The following ESR1 variants were observed in gnomAD, a reference collection of about 807,000 sequenced individuals.
ESR1 encodes the protein estrogen receptor.
In ESR1, 12 loss-of-function variants were observed where a neutral mutation model predicts 52.7. The observed-to-expected ratio is 0.23, with a 90% CI of 0.15 to 0.37. The LOEUF (loss-of-function observed/expected upper bound fraction) is 0.37. Among genes scored for constraint, ESR1 ranks in the 10% least tolerant of loss-of-function variants. The probability of loss-of-function intolerance (pLI) is 1.00; values close to 1 mark genes in which losing one functional copy is unlikely to be tolerated. For missense variants in ESR1, 584 were observed against 779.7 expected, an observed-to-expected ratio of 0.75 and a Z score of 2.99; for synonymous variants, 305 against 316.8, an observed-to-expected ratio of 0.96 and a Z score of 0.39.
rs1038056851 is a variant in ESR1 at position 152,061,675 on chromosome 6, G to T, written c.1369+551G>T. Among the ~76,000 whole-genome samples, 3 of 152,230 alleles carry T rather than the reference G, an allele frequency of 2.0e-5. No individual in the cohort carries two copies. Among genetic ancestry groups the T allele is most frequent in the Non-Finnish European group, 4.4e-5 (3 of 68,040 alleles). On this transcript the variant is annotated intron_variant, in intron 6 of 7. Transcript: ENST00000206249. This position sits in a 1 kb window ranked among gnomAD's most constrained non-coding sequence, Gnocchi z 4.3. ...ATTTTCCATTTGCTCTATGAAGTCT[G>T]ATTCTACTGCCCCTTCGTATTTATT...
At chr6:151,886,031 G>A (rs1213617054) in intron 3 of ESR1, among the ~76,000 whole-genome samples, 1 of 151,006 alleles carries the variant, frequency 6.6e-6, no homozygotes, top group Non-Finnish European at 1.5e-5. Context: ...CATCATATAC[G>A]AGCACTGCTG....
chr6:151,837,772 T>A (rs908793571), intron 1 of ESR1, among the ~76,000 whole-genome samples: 3 of 152,132 alleles, frequency 2.0e-5, no homozygotes, highest in Non-Finnish European at 2.9e-5. Flanking sequence ...GTGTCCAAGA[T>A]GAGAAACGGT....
chr6:151,932,229 C>T (rs1435060864), intron 3 of ESR1, among the ~76,000 whole-genome samples: 2 of 152,130 alleles, frequency 1.3e-5, no homozygotes, highest in African/African-American at 4.8e-5. Context: ...TTTCATGTGT[C>T]TGTTGGCTGC....
At chr6:151,920,886 C>T (rs1463311545) in intron 3 of ESR1, among the ~76,000 whole-genome samples, 2 of 152,040 alleles carry the variant, frequency 1.3e-5, no homozygotes, top group Non-Finnish European at 2.9e-5. Flanking sequence ...CCTGTCCATA[C>T]AGTACTTTTT....
chr6:152,034,290 A>AAAATAAAT (rs10588683), intron 5 of ESR1, among the ~76,000 whole-genome samples: 6 of 150,278 alleles, frequency 4.0e-5, no homozygotes, highest in East Asian at 2.0e-4. Context: ...AAGTACAATA[A>AAAATAAAT]AAATAAATAA....
intron 2 of ESR1, among the ~76,000 whole-genome samples, chr6:151,721,378 A>G (rs536779777): frequency 6.0e-4 from 91 of 152,316 alleles, no homozygotes; most frequent in African/African-American, 2.1e-3. Context: ...CTGTCAGGCT[A>G]CTAAGACAGA....
At chr6:151,939,601 A>G (rs917393838) in intron 3 of ESR1, among the ~76,000 whole-genome samples, 2 of 150,804 alleles carry the variant, frequency 1.3e-5, no homozygotes, top group Non-Finnish European at 1.5e-5. Flanking sequence ...TTTTTTTTTT[A>G]CCTTCTTCCA....
At chr6:151,889,504 G>A (rs1289701836) in intron 3 of ESR1, among the ~76,000 whole-genome samples, 3 of 152,034 alleles carry the variant, frequency 2.0e-5, no homozygotes, top group Non-Finnish European at 4.4e-5. Context: ...CAGTTGTAAT[G>A]TCTCCTCTTT....
intron 6 of ESR1, among the ~76,000 whole-genome samples, chr6:152,074,823 C>T (rs1334997280): frequency 6.6e-6 from 1 of 152,100 alleles, no homozygotes; most frequent in Non-Finnish European, 1.5e-5. Flanking sequence ...TTTTAATTCG[C>T]ATTTTTTGGA....
chr6:151,669,995 T>C (rs1440450869), intron 1 of ESR1, among the ~76,000 whole-genome samples: 2 of 152,144 alleles, frequency 1.3e-5, no homozygotes, highest in Non-Finnish European at 1.5e-5. Flanking sequence ...AACTTAGTAT[T>C]GGAGGGAGGA....
chr6:152,111,276 G>A (rs1488746317), intron 6 of ESR1, among the ~76,000 whole-genome samples: 1 of 152,208 alleles, frequency 6.6e-6, no homozygotes, highest in African/African-American at 2.4e-5. Context: ...AAGCCTTTGG[G>A]CAAACATTTA....
chr6:152,071,353 A>G (rs1397545704), intron 6 of ESR1, among the ~76,000 whole-genome samples: 2 of 152,250 alleles, frequency 1.3e-5, no homozygotes. Context: ...ACATTAGCCA[A>G]CCATGTTGAT....
intron 6 of ESR1, among the ~76,000 whole-genome samples, chr6:152,093,826 G>A (rs1710268081): frequency 1.3e-5 from 2 of 152,106 alleles, no homozygotes; most frequent in Non-Finnish European, 2.9e-5. Context: ...TTAGCCAATC[G>A]CTCATCACTC....
At chr6:152,023,948 G>A (rs1275373216) in intron 5 of ESR1, among the ~76,000 whole-genome samples, 1 of 152,146 alleles carries the variant, frequency 6.6e-6, no homozygotes, top group Non-Finnish European at 1.5e-5. Context: ...ATATGTTGGG[G>A]TCATAGAAAG....
chr6:151,966,419 T>C (rs181827176), intron 4 of ESR1, among the ~76,000 whole-genome samples: 80 of 152,312 alleles, frequency 5.3e-4, no homozygotes, highest in African/African-American at 1.8e-3. Flanking sequence ...AAGTCTCATT[T>C]TATTCGGGCT....
chr6:151,904,540 G>A (rs1330373886), intron 3 of ESR1, among the ~76,000 whole-genome samples: 1 of 152,058 alleles, frequency 6.6e-6, no homozygotes, highest in Admixed American at 6.6e-5. Flanking sequence ...GTTGTAATAT[G>A]ACAGTTCCAT....
intron 2 of ESR1, among the ~76,000 whole-genome samples, chr6:151,867,300 A>G (rs1266647361): frequency 2.0e-5 from 3 of 152,158 alleles, no homozygotes; most frequent in African/African-American, 7.2e-5. Context: ...CTGCACAGCA[A>G]AAGAAACTAT....
chr6:151,986,611 G>C (rs958018888), intron 4 of ESR1, among the ~76,000 whole-genome samples: 1 of 152,132 alleles, frequency 6.6e-6, no homozygotes, highest in African/African-American at 2.4e-5. Context: ...TTAGGTATGT[G>C]CATGAGGCAA....
At chr6:151,953,001 C>T (rs1269559284) in intron 4 of ESR1, among the ~76,000 whole-genome samples, 1 of 152,124 alleles carries the variant, frequency 6.6e-6, no homozygotes, top group Non-Finnish European at 1.5e-5. Flanking sequence ...AAGTGTTCTC[C>T]TTTTTTATTG....
Sources: gnomAD v4.1 joint callset for allele counts (sites outside exome capture counted in the v4.1 genomes callset) on GRCh38, gnomAD v4.1.1 for gene constraint, Gnocchi (gnomAD v3.1) non-coding constraint, MANE v1.5 for transcripts, NCBI Gene and HGNC (gene_info 2026-07-23, HGNC 2026-07-21) for gene names.